The following PRKAG2 variants were observed in gnomAD, a reference collection of about 807,000 sequenced individuals.
PRKAG2 encodes the protein 5'-AMP-activated protein kinase subunit gamma-2.
Under a neutral mutation model 69.6 loss-of-function variants are expected in PRKAG2, and 26 were observed. The observed-to-expected ratio is 0.37, with a 90% CI of 0.27 to 0.52. The LOEUF (loss-of-function observed/expected upper bound fraction) is 0.52, where lower values mean the gene tolerates loss of function less well. Ranked by LOEUF, PRKAG2 falls within the 20% of genes least tolerant of loss-of-function variation. PRKAG2 has a pLI of 0.90. For missense variants in PRKAG2, 557 were observed against 740.0 expected (o/e 0.75, Z 2.87); for synonymous variants, 293 against 285.0 (o/e 1.03, Z -0.28).
chr7:151,617,120 G>GTT, intron 5 of PRKAG2, among the ~76,000 whole-genome samples: 1 of 151,938 alleles, frequency 6.6e-6, no homozygotes, highest in African/African-American at 2.4e-5. Flanking sequence ...AATTAGCCGG[G>GTT]CTTGGTGGTG....
intron 15 of PRKAG2, chr7:151,559,398 C>T: frequency 3.0e-6 from 3 of 985,376 alleles, no homozygotes; most frequent in Non-Finnish European, 3.6e-6. Context: ...CTTTTAAACA[C>T]TTGAAGTTTG....
chr7:151,701,805 T>A (rs1283654843), intron 3 of PRKAG2, among the ~76,000 whole-genome samples: 2 of 145,726 alleles, frequency 1.4e-5, no homozygotes, highest in Non-Finnish European at 3.0e-5. Context: ...ATTGCGCCAC[T>A]GCACTCCAGC....
chr7:151,875,245 T>A (rs2080357372), intron 1 of PRKAG2, among the ~76,000 whole-genome samples: 1 of 152,152 alleles, frequency 6.6e-6, no homozygotes, highest in African/African-American at 2.4e-5. Flanking sequence ...CCAGGGCCCC[T>A]GTGGGGCTAC....
chr7:151,594,830 C>T (rs1814072846), intron 6 of PRKAG2, among the ~76,000 whole-genome samples: 1 of 151,836 alleles, frequency 6.6e-6, no homozygotes, highest in Non-Finnish European at 1.5e-5. Flanking sequence ...GATGGAGTCT[C>T]ACTCTGTTGC....
At position 151,788,066 on chromosome 7, in the gene PRKAG2, T is replaced by C. The variant is rs1027349227; in HGVS notation, c.115-1525A>G. Among the ~76,000 whole-genome samples, 2 of 152,322 alleles carry C rather than the reference T, an allele frequency of 1.3e-5. No individual in the cohort carries two copies. Among genetic ancestry groups the C allele is most frequent in the East Asian group, 1.9e-4 (1 of 5,188 alleles). On this transcript the variant is annotated intron_variant, in intron 1 of 15. Transcript: ENST00000287878. This position sits in a 1 kb window ranked among gnomAD's most constrained non-coding sequence, Gnocchi z 4.6. ...CAGCCTAGCAAACCAATATAATAGG[T>C]GTACGAATATCTCTTCAGGACCCTG...
intron 4 of PRKAG2, among the ~76,000 whole-genome samples, chr7:151,643,917 T>A (rs1027642886): frequency 6.6e-6 from 1 of 152,190 alleles, no homozygotes; most frequent in African/African-American, 2.4e-5. Context: ...AGCAATAAAT[T>A]AACAGCATTT....
chr7:151,575,618 A>G lies in PRKAG2; in HGVS notation c.947-669T>C, dbSNP rs577649089. 3.9e-5 allele frequency among the ~76,000 whole-genome samples: 6 copies of G among 152,340 alleles called. 1 individual carries two copies. The highest frequency in any genetic ancestry group is 1.4e-4 in the African/African-American group (6 of 41,572). ...ATAACAATGGTCTGGCAGAGACATC[A>G]GTCATGTTTACAGCATCTAATTTGC... On this transcript the variant is annotated intron_variant, in intron 7 of 15. Transcript: ENST00000287878.
chr7:151,741,381 G>C (rs2073880803), intron 3 of PRKAG2, among the ~76,000 whole-genome samples: 1 of 151,570 alleles, frequency 6.6e-6, no homozygotes. Context: ...ACAACGGACA[G>C]AAAGAACATT....
intron 4 of PRKAG2, among the ~76,000 whole-genome samples, chr7:151,667,976 G>C (rs1274009997): frequency 1.3e-5 from 2 of 152,216 alleles, no homozygotes; most frequent in Admixed American, 1.3e-4. Context: ...AACTGATGTA[G>C]TATCAGCTAT....
At chr7:151,851,680 G>C (rs533879650) in intron 1 of PRKAG2, among the ~76,000 whole-genome samples, 15 of 152,276 alleles carry the variant, frequency 9.9e-5, no homozygotes, top group Admixed American at 8.5e-4. Flanking sequence ...CGCTCCTGGG[G>C]CCCCACTCTG....
chr7:151,826,944 A>AG (rs752670620), intron 1 of PRKAG2, among the ~76,000 whole-genome samples: 67 of 152,322 alleles, frequency 4.4e-4, no homozygotes, highest in African/African-American at 1.4e-3. Context: ...GGCTGTATTG[A>AG]GAAAAAAAAG....
At chr7:151,587,593 C>A (rs552283791) in intron 6 of PRKAG2, among the ~76,000 whole-genome samples, 6 of 152,320 alleles carry the variant, frequency 3.9e-5, no homozygotes, top group African/African-American at 1.4e-4. Flanking sequence ...CACTTTACCT[C>A]TCTCTGGTCT....
At chr7:151,580,561 G>T (rs1027345652) in intron 6 of PRKAG2, among the ~76,000 whole-genome samples, 3 of 152,108 alleles carry the variant, frequency 2.0e-5, no homozygotes, top group African/African-American at 4.8e-5. Context: ...GTAGGAGACG[G>T]TTTAACTTTT....
chr7:151,732,133 C>CT (rs59078328), intron 3 of PRKAG2, among the ~76,000 whole-genome samples: 90 of 94,864 alleles, frequency 9.5e-4, no homozygotes, highest in South Asian at 2.3e-3. Flanking sequence ...CAGCACCTGG[C>CT]TTTTTTTTTT....
chr7:151,678,184 T>G (rs1833257056), intron 3 of PRKAG2, among the ~76,000 whole-genome samples: 1 of 152,234 alleles, frequency 6.6e-6, no homozygotes, highest in Non-Finnish European at 1.5e-5. Context: ...CTGTCCTGTA[T>G]GTTACCACTT....
intron 1 of PRKAG2, among the ~76,000 whole-genome samples, chr7:151,860,087 A>G (rs1220991530): frequency 1.3e-5 from 2 of 152,164 alleles, no homozygotes; most frequent in Non-Finnish European, 2.9e-5. Flanking sequence ...CTGGACCCGG[A>G]GGGGCCCTTC....
At chr7:151,834,832 G>C (rs2079112323) in intron 1 of PRKAG2, among the ~76,000 whole-genome samples, 1 of 152,246 alleles carries the variant, frequency 6.6e-6, no homozygotes, top group African/African-American at 2.4e-5. Flanking sequence ...CCGGAGCCCG[G>C]AAGTCCGAGA....
chr7:151,840,746 CG>C (rs1211970361), intron 1 of PRKAG2, among the ~76,000 whole-genome samples: 1 of 152,240 alleles, frequency 6.6e-6, no homozygotes, highest in Non-Finnish European at 1.5e-5. Flanking sequence ...GGCCCCAAGC[CG>C]GCCTGCTTCT....
At chr7:151,778,103 C>T (rs553534432) in intron 3 of PRKAG2, among the ~76,000 whole-genome samples, 49 of 152,246 alleles carry the variant, frequency 3.2e-4, no homozygotes, top group African/African-American at 1.1e-3. Context: ...GTGGCCCTCA[C>T]CTAGAGGCCG....
Sources: allele counts gnomAD v4.1 joint callset (sites outside exome capture counted in the v4.1 genomes callset), GRCh38; gene constraint gnomAD v4.1.1; non-coding constraint Gnocchi (gnomAD v3.1); transcripts MANE v1.5; gene names NCBI Gene and HGNC (gene_info 2026-07-23, HGNC 2026-07-21).